The following KLHL32 variants were observed in gnomAD, a reference collection of about 807,000 sequenced individuals.
The protein encoded by KLHL32 is kelch like family member 32, also known as kelch-like protein 32.
KLHL32 carries 35 observed loss-of-function variants against 64.8 expected under a neutral mutation model. The ratio of observed to expected loss-of-function variants is 0.54; its 90% CI spans 0.41 to 0.72. KLHL32 has a LOEUF of 0.72. KLHL32 is among the 30% of genes least tolerant of loss of function. KLHL32 has a pLI of 0.00. For synonymous variants in KLHL32, 259 were observed against 281.0 expected (o/e 0.92, Z 0.78); for missense variants, 589 against 768.5 (o/e 0.77, Z 2.76).
intron 10 of KLHL32, among the ~76,000 whole-genome samples, chr6:97,134,729 G>C (rs1181338259): frequency 6.6e-6 from 1 of 152,164 alleles, no homozygotes; most frequent in Non-Finnish European, 1.5e-5. Context: ...ATAACATAAT[G>C]AGGAAATAAA....
chr6:97,019,210 C>A (rs1232800110), intron 3 of KLHL32, among the ~76,000 whole-genome samples: 1 of 152,110 alleles, frequency 6.6e-6, no homozygotes, highest in Non-Finnish European at 1.5e-5. Context: ...AAAAAAGCAG[C>A]GTTCTTAATA....
At chr6:96,958,837 A>C (rs529917252) in intron 1 of KLHL32, among the ~76,000 whole-genome samples, 1 of 148,012 alleles carries the variant, frequency 6.8e-6, no homozygotes, top group East Asian at 2.0e-4. Flanking sequence ...AGGAAAAAAA[A>C]ATCACCCTAA....
intron 4 of KLHL32, among the ~76,000 whole-genome samples, chr6:97,042,217 C>A (rs1299629928): frequency 2.6e-5 from 4 of 152,294 alleles, no homozygotes; most frequent in African/African-American, 9.6e-5. Flanking sequence ...TCTTTAACAA[C>A]ATTTCATCCA....
At chr6:96,966,192 T>G (rs1473638204) in intron 1 of KLHL32, among the ~76,000 whole-genome samples, 1 of 152,226 alleles carries the variant, frequency 6.6e-6, no homozygotes, top group Non-Finnish European at 1.5e-5. Context: ...AGATTATAAT[T>G]AATTTAGCCA....
chr6:96,988,870 C>T (rs1032225625), intron 3 of KLHL32, among the ~76,000 whole-genome samples: 21 of 151,928 alleles, frequency 1.4e-4, no homozygotes, highest in African/African-American at 4.4e-4. Context: ...AACCAAACAC[C>T]GCATGTTCTC....
chr6:96,968,177 T>C (rs1344730677), intron 2 of KLHL32, among the ~76,000 whole-genome samples: 2 of 152,140 alleles, frequency 1.3e-5, no homozygotes, highest in African/African-American at 4.8e-5. Flanking sequence ...ACTCCCTATG[T>C]GAGTCTGTTG....
At chr6:97,097,731 C>T (rs535370775) in intron 6 of KLHL32, among the ~76,000 whole-genome samples, 3 of 152,138 alleles carry the variant, frequency 2.0e-5, no homozygotes, top group South Asian at 2.1e-4. Flanking sequence ...TTTAAAAATC[C>T]GTCCTTATCA....
At chr6:97,111,555 A>G (rs1047240107) in intron 6 of KLHL32, among the ~76,000 whole-genome samples, 4 of 151,960 alleles carry the variant, frequency 2.6e-5, no homozygotes, top group Non-Finnish European at 4.4e-5. Flanking sequence ...CAGGAGCAAA[A>G]CTCTGTGCAG....
chr6:97,015,822 T>C (rs1260988824), intron 3 of KLHL32, among the ~76,000 whole-genome samples: 2 of 151,888 alleles, frequency 1.3e-5, no homozygotes, highest in Non-Finnish European at 2.9e-5. Flanking sequence ...AGGAGGAAAA[T>C]ATGGTTTCAT....
intron 3 of KLHL32, among the ~76,000 whole-genome samples, chr6:96,996,503 T>G (rs183762168): frequency 6.6e-6 from 1 of 152,008 alleles, no homozygotes; most frequent in African/African-American, 2.4e-5. Context: ...AATAAATAGG[T>G]TTTTAAAAAT....
intron 1 of KLHL32, among the ~76,000 whole-genome samples, chr6:96,945,544 C>T (rs1366157199): frequency 3.9e-5 from 6 of 152,202 alleles, no homozygotes; most frequent in African/African-American, 1.4e-4. Flanking sequence ...CAAGCCTACT[C>T]AGACTCAAGA....
At chr6:96,981,570 G>C (rs988009033) in intron 3 of KLHL32, among the ~76,000 whole-genome samples, 1 of 151,784 alleles carries the variant, frequency 6.6e-6, no homozygotes, top group Non-Finnish European at 1.5e-5. Context: ...CATTGATTTT[G>C]GTTATTTCTG....
intron 4 of KLHL32, among the ~76,000 whole-genome samples, chr6:97,046,388 C>T (rs1025415403): frequency 1.4e-5 from 2 of 147,648 alleles, no homozygotes; most frequent in African/African-American, 5.2e-5. Flanking sequence ...TATAATCTGT[C>T]ATTAAGAAAA....
chr6:96,962,601 TCA>T (rs1445349334), intron 1 of KLHL32, among the ~76,000 whole-genome samples: 1 of 152,160 alleles, frequency 6.6e-6, no homozygotes, highest in Non-Finnish European at 1.5e-5. Context: ...AAGAAAAAAT[TCA>T]CAGAGATACC....
intron 3 of KLHL32, among the ~76,000 whole-genome samples, chr6:97,011,706 T>C (rs988293506): frequency 3.3e-5 from 5 of 152,200 alleles, no homozygotes; most frequent in Admixed American, 6.5e-5. Context: ...CTCCTGCTTA[T>C]GGACATGCTG....
chr6:97,090,080 G>A lies in KLHL32; in HGVS notation c.627+4739G>A, dbSNP rs79390994. ...GGGGCAATCCTGTTCATATTTGTCC[G>A]TGATTATCCATCCCTAGAGGCAGAG... On this transcript the variant is annotated intron_variant, in intron 6 of 10. Coordinates refer to ENST00000369261, the MANE Select transcript of KLHL32 (RefSeq NM_052904.4). Among the ~76,000 whole-genome samples, 19 of 152,252 alleles carry A rather than the reference G, an allele frequency of 1.2e-4. No homozygotes were observed. The East Asian group carries it at 3.3e-3, about 26-fold the overall frequency.
At chr6:97,137,012 T>C (rs1278807521) in intron 10 of KLHL32, among the ~76,000 whole-genome samples, 1 of 152,192 alleles carries the variant, frequency 6.6e-6, no homozygotes, top group Non-Finnish European at 1.5e-5. Flanking sequence ...CTTAATTTTT[T>C]CCGGTATCAA....
intron 1 of KLHL32, among the ~76,000 whole-genome samples, chr6:96,944,681 A>ATTACTTG (rs1249807371): frequency 2.0e-5 from 3 of 152,214 alleles, no homozygotes; most frequent in African/African-American, 7.2e-5. Context: ...GAAAGGCTAT[A>ATTACTTG]TTACTTGTTC....
intron 6 of KLHL32, among the ~76,000 whole-genome samples, chr6:97,111,634 C>T (rs1305897776): frequency 2.0e-5 from 3 of 152,174 alleles, no homozygotes; most frequent in Non-Finnish European, 4.4e-5. Flanking sequence ...TTATGGTACA[C>T]CTTCTTTTAT....
Sources: allele counts gnomAD v4.1 joint callset (sites outside exome capture counted in the v4.1 genomes callset), GRCh38; gene constraint gnomAD v4.1.1; transcripts MANE v1.5; gene names NCBI Gene and HGNC (gene_info 2026-07-23, HGNC 2026-07-21).